The following AUTS2 variants were observed in gnomAD, a reference collection of about 807,000 sequenced individuals.
AUTS2 encodes autism susceptibility gene 2 protein.
Under a neutral mutation model 112.4 loss-of-function variants are expected in AUTS2, and 17 were observed. The ratio of observed to expected loss-of-function variants is 0.15; its 90% confidence interval spans 0.10 to 0.23. AUTS2 has a LOEUF of 0.23. Among genes scored for constraint, AUTS2 ranks in the 10% least tolerant of loss-of-function variants. The probability of loss-of-function intolerance (pLI) is 1.00; values close to 1 mark genes in which losing one functional copy is unlikely to be tolerated. For synonymous variants in AUTS2, 751 were observed against 702.7 expected (o/e 1.07, Z -1.09); for missense variants, 1,510 against 1,701.6 (o/e 0.89, Z 1.98).
chr7:70,565,934 A>G (rs1242134519), intron 5 of AUTS2, among the ~76,000 whole-genome samples: 1 of 152,186 alleles, frequency 6.6e-6, no homozygotes, highest in African/African-American at 2.4e-5. Context: ...AGCACATTCC[A>G]AGGGATGTGA....
At chr7:69,892,128 C>T (rs1794553007) in intron 1 of AUTS2, among the ~76,000 whole-genome samples, 1 of 146,152 alleles carries the variant, frequency 6.8e-6, no homozygotes, top group Non-Finnish European at 1.5e-5. Flanking sequence ...GAATCTTTTG[C>T]TTATTTAAAA....
chr7:70,707,426 A>G (rs3936228), intron 6 of AUTS2, among the ~76,000 whole-genome samples: 45,152 of 152,006 alleles, frequency 0.3, 6,972 homozygotes, highest in Middle Eastern at 0.43. Context: ...AGACATGCTC[A>G]TAGCAGTCAT....
chr7:70,731,635 T>C (rs1030585871), intron 6 of AUTS2, among the ~76,000 whole-genome samples: 55 of 151,844 alleles, frequency 3.6e-4, no homozygotes, highest in African/African-American at 1.3e-3. Flanking sequence ...TTCACCATGT[T>C]AGCCAGGATG....
intron 2 of AUTS2, among the ~76,000 whole-genome samples, chr7:70,084,901 C>T (rs906635988): frequency 6.6e-6 from 1 of 152,092 alleles, no homozygotes; most frequent in Non-Finnish European, 1.5e-5. Flanking sequence ...GAGATAGGAT[C>T]TTGCTCTGTC....
At chr7:70,003,722 A>G (rs1294874887) in intron 2 of AUTS2, among the ~76,000 whole-genome samples, 5 of 123,002 alleles carry the variant, frequency 4.1e-5, no homozygotes, top group Non-Finnish European at 8.0e-5. Context: ...TGTGTTATAT[A>G]TGAATATATA....
chr7:70,004,945 C>T (rs1799478152), intron 2 of AUTS2, among the ~76,000 whole-genome samples: 1 of 151,930 alleles, frequency 6.6e-6, no homozygotes, highest in African/African-American at 2.4e-5. Context: ...CTGCCTCAGC[C>T]TCCCAAGTAG....
At chr7:70,786,096 A>C in intron 17 of AUTS2, 58 bp downstream of exon 17, 2 of 1,449,562 alleles carry the variant, frequency 1.4e-6, no homozygotes, top group Non-Finnish European at 1.9e-6. Flanking sequence ...TGTGATCCGC[A>C]TATGGCTCAA....
intron 4 of AUTS2, among the ~76,000 whole-genome samples, chr7:70,358,163 C>T (rs1792096899): frequency 6.6e-6 from 1 of 152,168 alleles, no homozygotes; most frequent in African/African-American, 2.4e-5. Flanking sequence ...TGTAAATCAC[C>T]AGTTATGCCA....
At chr7:70,043,628 G>A (rs1383299981) in intron 2 of AUTS2, among the ~76,000 whole-genome samples, 1 of 95,922 alleles carries the variant, frequency 1.0e-5, no homozygotes, top group Non-Finnish European at 2.0e-5. Flanking sequence ...TTTTATTTTT[G>A]GTCAGTGTTT....
At position 69,930,891 on chromosome 7, in the gene AUTS2, A is replaced by G. The variant is rs1057309827; in HGVS notation, c.522+31393A>G. ...TGGAGGGAATATTGTCAGAATAGTT[A>G]TAAGTTTTGGTGCCCTATCCCAGTG... On this transcript the variant is annotated intron_variant, in intron 2 of 18. Transcript: ENST00000342771. Among the ~76,000 whole-genome samples, 4 of 152,300 alleles carry G rather than the reference A, an allele frequency of 2.6e-5. No individual in the cohort carries two copies. The East Asian group carries it at 7.7e-4, about 29-fold the overall frequency.
chr7:70,782,512 C>G (rs1791159143), intron 15 of AUTS2: 1 of 152,162 alleles, frequency 6.6e-6, no homozygotes, highest in African/African-American at 2.4e-5. Flanking sequence ...TGTGTGTGTG[C>G]TGGATGAGAA....
chr7:69,670,555 CAAAA>C (rs200373158), intron 1 of AUTS2, among the ~76,000 whole-genome samples: 4 of 119,062 alleles, frequency 3.4e-5, no homozygotes, highest in Non-Finnish European at 6.9e-5. Context: ...CTTGATCCCT[CAAAA>C]AAAAAAAAAA....
At chr7:70,148,029 A>G (rs939071889) in intron 4 of AUTS2, among the ~76,000 whole-genome samples, 7 of 152,070 alleles carry the variant, frequency 4.6e-5, no homozygotes, top group Admixed American at 6.6e-5. Context: ...TTTTTCTGGG[A>G]GGATTGGTAC....
intron 2 of AUTS2, among the ~76,000 whole-genome samples, chr7:70,063,778 CT>C (rs1212053743): frequency 6.6e-6 from 1 of 152,184 alleles, no homozygotes; most frequent in Non-Finnish European, 1.5e-5. Flanking sequence ...CTCAGCCACA[CT>C]TCACCTGCTC....
At chr7:70,789,562 A>C (rs1791737782) in intron 18 of AUTS2, among the ~76,000 whole-genome samples, 186 bp from the exon 19 acceptor site, 1 of 151,968 alleles carries the variant, frequency 6.6e-6, no homozygotes, top group Non-Finnish European at 1.5e-5. Flanking sequence ...CTTCCTCTAA[A>C]ATCTAGGTAA....
At chr7:70,658,543 A>G (rs1806900493) in intron 5 of AUTS2, among the ~76,000 whole-genome samples, 1 of 152,232 alleles carries the variant, frequency 6.6e-6, no homozygotes, top group Non-Finnish European at 1.5e-5. Flanking sequence ...AGACAAGAGC[A>G]CAGGCTTCTG....
At chr7:69,968,043 G>C (rs1251042759) in intron 2 of AUTS2, among the ~76,000 whole-genome samples, 1 of 152,200 alleles carries the variant, frequency 6.6e-6, no homozygotes, top group Non-Finnish European at 1.5e-5. Flanking sequence ...GCATGATTTA[G>C]AGTTTAAAGA....
At chr7:69,925,783 G>A (rs1275912186) in intron 2 of AUTS2, among the ~76,000 whole-genome samples, 3 of 152,232 alleles carry the variant, frequency 2.0e-5, no homozygotes, top group African/African-American at 7.2e-5. Context: ...GCCTCCCAAA[G>A]TGTTGGGATA....
chr7:70,747,260 A>T (rs1420313041), intron 6 of AUTS2, among the ~76,000 whole-genome samples: 1 of 152,254 alleles, frequency 6.6e-6, no homozygotes, highest in Non-Finnish European at 1.5e-5. Flanking sequence ...TCATTCTGAC[A>T]TGCATTTCCG....
Sources: allele counts gnomAD v4.1 joint callset (sites outside exome capture counted in the v4.1 genomes callset), GRCh38; gene constraint gnomAD v4.1.1; transcripts MANE v1.5; gene names NCBI Gene and HGNC (gene_info 2026-07-23, HGNC 2026-07-21).